CACNB2: variants seen among roughly 807,000 people sequenced by gnomAD.
CACNB2 encodes the protein calcium voltage-gated channel auxiliary subunit beta 2, also known as voltage-dependent L-type calcium channel subunit beta-2.
In CACNB2, 42 loss-of-function variants were observed where a neutral mutation model predicts 73.3. That is an observed-to-expected ratio of 0.57 (90% CI 0.45 to 0.74). CACNB2 has a LOEUF of 0.74. Among genes scored for constraint, CACNB2 ranks in the 30% least tolerant of loss-of-function variants. The pLI is 0.00. For synonymous variants in CACNB2, 348 were observed against 310.3 expected (o/e 1.12, Z -1.28); for missense variants, 940 against 853.0 (o/e 1.10, Z -1.27).
chr10:18,143,491 T>C lies in CACNB2; in HGVS notation c.120+2635T>C, dbSNP rs534470116. On this transcript the variant is annotated intron_variant, in intron 1 of 13. Transcript: ENST00000324631. ...ATTTTAAAAGCAAGTTTAAGAGATA[T>C]AAATATTCAACTGCATCAACATTCA... Among the ~76,000 whole-genome samples, 65 of 152,318 alleles carry C rather than the reference T, an allele frequency of 4.3e-4. No homozygotes were observed. The South Asian group carries it at 0.012, about 27-fold the overall frequency.
intron 3 of CACNB2, among the ~76,000 whole-genome samples, chr10:18,449,631 TAAAC>T (rs1564562669): frequency 6.6e-6 from 1 of 152,142 alleles, no homozygotes; most frequent in East Asian, 1.9e-4. Context: ...GTTAAAGAAA[TAAAC>T]TAACTTGCTA....
chr10:18,308,213 C>G (rs189501510), intron 2 of CACNB2, among the ~76,000 whole-genome samples: 1 of 151,876 alleles, frequency 6.6e-6, no homozygotes, highest in Non-Finnish European at 1.5e-5. Flanking sequence ...AGGCTAGTCT[C>G]GAACTCCTGG....
chr10:18,248,491 A>G (rs904570456), intron 2 of CACNB2, among the ~76,000 whole-genome samples: 1 of 152,210 alleles, frequency 6.6e-6, no homozygotes, highest in Non-Finnish European at 1.5e-5. Context: ...TTTCTGTTGT[A>G]TCTGTCATTC....
chr10:18,470,656 A>G (rs548496679), intron 3 of CACNB2, among the ~76,000 whole-genome samples: 21 of 152,188 alleles, frequency 1.4e-4, no homozygotes, highest in African/African-American at 4.8e-4. Flanking sequence ...TTATACATGC[A>G]GTTCACCAGA....
At chr10:18,192,177 G>C (rs76498009) in intron 2 of CACNB2, among the ~76,000 whole-genome samples, 32 of 152,104 alleles carry the variant, frequency 2.1e-4, no homozygotes, top group African/African-American at 7.5e-4. Flanking sequence ...GTTTGGTATA[G>C]CTTTGGATCA....
intron 10 of CACNB2, among the ~76,000 whole-genome samples, chr10:18,528,294 G>A (rs1320921955): frequency 6.6e-6 from 1 of 152,138 alleles, no homozygotes; most frequent in Non-Finnish European, 1.5e-5. Flanking sequence ...GGGAGTTATT[G>A]TGTTTACAGA....
At chr10:18,459,716 T>C (rs1589420674) in intron 3 of CACNB2, among the ~76,000 whole-genome samples, 1 of 152,330 alleles carries the variant, frequency 6.6e-6, no homozygotes, top group Non-Finnish European at 1.5e-5. Flanking sequence ...TTTGTAAAAG[T>C]AGAATGCTGG....
intron 2 of CACNB2, among the ~76,000 whole-genome samples, chr10:18,197,274 CCT>C (rs1202298872): frequency 6.6e-6 from 1 of 152,078 alleles, no homozygotes; most frequent in Non-Finnish European, 1.5e-5. Context: ...TCCTTCTCAT[CCT>C]CTCTAGCTCT....
At chr10:18,233,157 T>C (rs1465656272) in intron 2 of CACNB2, among the ~76,000 whole-genome samples, 3 of 152,126 alleles carry the variant, frequency 2.0e-5, no homozygotes, top group African/African-American at 7.2e-5. Flanking sequence ...TGCCTTGAAA[T>C]TGATGAGAGT....
At chr10:18,179,772 A>G (rs556775539) in intron 2 of CACNB2, among the ~76,000 whole-genome samples, 32 of 152,314 alleles carry the variant, frequency 2.1e-4, no homozygotes, top group African/African-American at 7.7e-4. Context: ...TTAAACAGAA[A>G]GAATAATATT....
intron 3 of CACNB2, among the ~76,000 whole-genome samples, chr10:18,487,427 C>G (rs2049123026): frequency 6.6e-6 from 1 of 152,188 alleles, no homozygotes; most frequent in Non-Finnish European, 1.5e-5. Flanking sequence ...CTTACCCTCA[C>G]TGTTTGCTGA....
chr10:18,463,492 A>T (rs2047692566), intron 3 of CACNB2, among the ~76,000 whole-genome samples: 1 of 152,002 alleles, frequency 6.6e-6, no homozygotes, highest in African/African-American at 2.4e-5. Context: ...CTGCGGCTTC[A>T]CAGCTTCAAC....
At chr10:18,236,429 G>T (rs2036449046) in intron 2 of CACNB2, among the ~76,000 whole-genome samples, 1 of 152,236 alleles carries the variant, frequency 6.6e-6, no homozygotes, top group African/African-American at 2.4e-5. Context: ...GAGAGAAAAA[G>T]AAGGAAATTC....
chr10:18,385,104 A>AC (rs1326984804), intron 2 of CACNB2, among the ~76,000 whole-genome samples: 10 of 151,856 alleles, frequency 6.6e-5, no homozygotes, highest in Non-Finnish European at 1.3e-4. Context: ...ACCTGGTGAA[A>AC]CCCCATCTCT....
intron 2 of CACNB2, among the ~76,000 whole-genome samples, chr10:18,341,822 T>A (rs896470853): frequency 5.3e-5 from 8 of 152,226 alleles, no homozygotes; most frequent in African/African-American, 1.9e-4. Flanking sequence ...GGTCATTTCT[T>A]CTATGTTGTA....
intron 2 of CACNB2, among the ~76,000 whole-genome samples, chr10:18,375,785 G>C (rs1405075730): frequency 6.6e-6 from 1 of 152,142 alleles, no homozygotes; most frequent in Admixed American, 6.6e-5. Context: ...TTACCAGTTT[G>C]TTGATACGCT....
At chr10:18,249,288 G>A (rs2036992263) in intron 2 of CACNB2, among the ~76,000 whole-genome samples, 1 of 152,084 alleles carries the variant, frequency 6.6e-6, no homozygotes, top group African/African-American at 2.4e-5. Flanking sequence ...TGGGGTTCCA[G>A]CCCCTTGGCC....
intron 2 of CACNB2, among the ~76,000 whole-genome samples, chr10:18,203,167 T>C (rs546145460): frequency 6.6e-6 from 1 of 152,314 alleles, no homozygotes; most frequent in South Asian, 2.1e-4. Flanking sequence ...GAAAATTTTG[T>C]TCTTTCATCT....
chr10:18,472,781 G>C (rs1339315983), intron 3 of CACNB2, among the ~76,000 whole-genome samples: 1 of 152,180 alleles, frequency 6.6e-6, no homozygotes, highest in East Asian at 1.9e-4. Context: ...GAATTTCAGA[G>C]AGGTTTGGTT....
Sources: gnomAD v4.1 joint callset for allele counts (sites outside exome capture counted in the v4.1 genomes callset) on GRCh38, gnomAD v4.1.1 for gene constraint, MANE v1.5 for transcripts, NCBI Gene and HGNC (gene_info 2026-07-23, HGNC 2026-07-21) for gene names.